PCDHGB4: variants seen among roughly 807,000 people sequenced by gnomAD.
PCDHGB4 encodes protocadherin gamma-B4.
Under a neutral mutation model 60.5 loss-of-function variants are expected in PCDHGB4, and 38 were observed. The observed-to-expected ratio is 0.63, with a 90% confidence interval of 0.48 to 0.82. PCDHGB4 has a LOEUF of 0.82. PCDHGB4 is among the 40% of genes least tolerant of loss of function. The pLI, the probability that PCDHGB4 is intolerant of heterozygous loss-of-function variation, is 0.00. For missense variants in PCDHGB4, 1,109 were observed against 1,209.6 expected (o/e 0.92, Z 1.23); for synonymous variants, 456 against 509.7 (o/e 0.89, Z 1.42).
At chr5:141,503,981 C>T (rs774655880) in intron 2 of PCDHGB4, among the ~76,000 whole-genome samples, 4 of 152,300 alleles carry the variant, frequency 2.6e-5, no homozygotes, top group East Asian at 1.9e-4. Flanking sequence ...CCAAACCCTT[C>T]TTCTTACCTT....
rs766050828 is a variant in PCDHGB4, at chr5:141,394,215, G to A, written c.2397+3934G>A. The A allele has an allele frequency of 1.9e-6, 3 of 1,613,902 alleles. No individual in the cohort carries two copies. The South Asian group carries it at 3.3e-5, about 18-fold the overall frequency. ...GTATATCCTAGAGAACAACCTGAGA[G>A]GAGCCTCCATCTTTTCCTTGACTGC... is the stretch of plus-strand genomic sequence containing the variant. On this transcript the variant is annotated intron_variant, in intron 1 of 3. Transcript: ENST00000519479.
At chr5:141,433,818 C>A (rs1286718725) in intron 1 of PCDHGB4, among the ~76,000 whole-genome samples, 7 of 133,614 alleles carry the variant, frequency 5.2e-5, no homozygotes, top group African/African-American at 5.8e-5. Flanking sequence ...GCCTGGGCAA[C>A]AAGAGTGAAA....
Position 141,485,598 on chromosome 5 carries a change from T to C in PCDHGB4, c.2398-9209T>C, listed in dbSNP as rs931717579. 25 of 1,612,028 alleles carry C rather than the reference T, an allele frequency of 1.6e-5. No individual in the cohort carries two copies. Among genetic ancestry groups the C allele is most frequent in the African/African-American group, 2.7e-5 (2 of 74,838 alleles). ...CCGCGGCAGCAGCTGGACTTGGAAA[T>C]TGGGGAGGCAGCTCCTCCAGGACAG... On this transcript the variant is annotated intron_variant, in intron 1 of 3. Transcript: ENST00000519479. This position sits in a 1 kb window ranked among gnomAD's most constrained non-coding sequence, Gnocchi z 5.7.
intron 1 of PCDHGB4, among the ~76,000 whole-genome samples, chr5:141,453,999 A>C (rs1561953352): frequency 6.6e-6 from 1 of 152,258 alleles, no homozygotes; most frequent in South Asian, 2.1e-4. Flanking sequence ...ATAAACCCAC[A>C]TAACATTTTA....
chr5:141,470,708 A>T (rs1293545270), intron 1 of PCDHGB4, among the ~76,000 whole-genome samples: 1 of 151,804 alleles, frequency 6.6e-6, no homozygotes. Flanking sequence ...TTTTTATTTT[A>T]TTTTTTTGAG....
chr5:141,404,164 G>A, intron 1 of PCDHGB4: 2 of 1,613,126 alleles, frequency 1.2e-6, no homozygotes, highest in South Asian at 2.2e-5. Context: ...ATTACAGATT[G>A]TTGACGGCCC....
intron 1 of PCDHGB4, chr5:141,405,545 A>G (rs952875482): frequency 1.6e-6 from 1 of 631,162 alleles, no homozygotes; most frequent in South Asian, 2.0e-5. Flanking sequence ...TCAGCCTCCC[A>G]AGTAGAGTAG....
At chr5:141,453,481 TA>T (rs1178324090) in intron 1 of PCDHGB4, among the ~76,000 whole-genome samples, 1 of 151,928 alleles carries the variant, frequency 6.6e-6, no homozygotes, top group Non-Finnish European at 1.5e-5. Context: ...TCAAAACTAT[TA>T]AAAAAAGGTG....
rs373008153 is a variant in PCDHGB4 at position 141,390,217 on chromosome 5, T to C, written c.2333T>C (p.Leu778Pro). ...SEQLSSGQDI[L>P]CGDSSGALFP... ...CAGTTGAGTTCAGGACAAGACATAC[T>C]TTGCGGTGATTCATCTGGGGCCTTA... The change falls in exon 1 of 4, where the codon CTT becomes CCT. Residue 778 changes from leucine (L) to proline (P), a missense_variant. Physicochemically the swap from Leu to Pro is moderately conservative, Grantham distance 98 (BLOSUM62 -3). Transcript: ENST00000519479. 1.3e-5 allele frequency: 21 copies of C among 1,613,944 alleles called. No individual in the cohort carries two copies. Among genetic ancestry groups the C allele is most frequent in the Non-Finnish European group, 1.8e-5 (21 of 1,179,912 alleles).
At chr5:141,393,821 G>T (rs2240700) in intron 1 of PCDHGB4, 228,339 of 1,613,716 alleles carry the variant, frequency 0.14, 18,414 homozygotes, top group African/African-American at 0.32. Context: ...TGCTCATTTC[G>T]GTGGAAGATG....
Position 141,403,122 on chromosome 5 carries a change from G to A in PCDHGB4, c.2397+12841G>A, listed in dbSNP as rs550510039. 4.3e-5 allele frequency: 69 copies of A among 1,613,932 alleles called. No individual in the cohort carries two copies. Among genetic ancestry groups the A allele is most frequent in the East Asian group, 8.9e-5 (4 of 44,898 alleles). ...TCCAAGGACCTGGCTCTGGAGCCCC[G>A]GGAGCTGGCGGAGCGCCGAGTCCGC... On this transcript the variant is annotated intron_variant, in intron 1 of 3. Transcript: ENST00000519479.
chr5:141,511,823 GC>G lies in PCDHGB4; in HGVS notation c.*653del, dbSNP rs2099883963. On this transcript the variant is annotated 3_prime_UTR_variant, in exon 4 of 4. Coordinates refer to ENST00000519479, the MANE Select transcript of PCDHGB4 (RefSeq NM_003736.4). The stretch of plus-strand genomic sequence containing the variant: ...TTTTGCTACCAAGCCTCTTCCCAAC[GC>G]CCTGGGGACCAGTCTTCTGTTTTGT... The G allele has an allele frequency of 6.4e-6, 1 of 156,728 alleles. No individual in the cohort carries two copies. The highest frequency in any genetic ancestry group is 1.9e-4 in the South Asian group (1 of 5,164). 9.7% of individuals were successfully genotyped at this position (156,728 alleles called of 1,614,324 possible).
At chr5:141,484,639 C>A (rs1366750263) in intron 1 of PCDHGB4, among the ~76,000 whole-genome samples, 1 of 151,938 alleles carries the variant, frequency 6.6e-6, no homozygotes, top group Non-Finnish European at 1.5e-5. Context: ...AGTGACCACT[C>A]TCCAATGGCT....
At chr5:141,502,274 A>G (rs573517581) in intron 2 of PCDHGB4, among the ~76,000 whole-genome samples, 18 of 152,128 alleles carry the variant, frequency 1.2e-4, no homozygotes, top group African/African-American at 4.1e-4. Context: ...ATCAAGGAGC[A>G]TAGATTGCAT....
At position 141,477,483 on chromosome 5, in the gene PCDHGB4, A is replaced by T; in HGVS notation, c.2398-17324A>T. ...TCCGACATCAATGACAACCCTCCAC[A>T]ATCTTCTCAATCTTCCTACGACGTT... On this transcript the variant is annotated intron_variant, in intron 1 of 3. Coordinates refer to ENST00000519479, the MANE Select transcript of PCDHGB4 (RefSeq NM_003736.4). The surrounding 1 kb of genome is among the most constrained non-coding windows in gnomAD (Gnocchi z 4.9). 1 of 1,614,028 alleles carries T rather than the reference A, an allele frequency of 6.2e-7. No homozygotes were observed.
intron 1 of PCDHGB4, among the ~76,000 whole-genome samples, chr5:141,467,950 C>T (rs780236016): frequency 2.6e-5 from 4 of 152,290 alleles, no homozygotes; most frequent in Admixed American, 6.5e-5. Context: ...TGAGCCACCA[C>T]ACCCGGCTGC....
At chr5:141,467,460 T>G (rs1354012953) in intron 1 of PCDHGB4, among the ~76,000 whole-genome samples, 1 of 152,246 alleles carries the variant, frequency 6.6e-6, no homozygotes. Context: ...CCAGTGCTAG[T>G]ACTTGCATGG....
In PCDHGB4 at chr5:141,476,908, A is replaced by G. The variant is rs754076231; in HGVS notation, c.2398-17899A>G. 6.2e-7 allele frequency: 1 copy of G among 1,614,050 alleles called. No individual in the cohort carries two copies. The highest frequency in any genetic ancestry group is 8.5e-7 in the Non-Finnish European group (1 of 1,180,038). On this transcript the variant is annotated intron_variant, in intron 1 of 3. Coordinates refer to ENST00000519479, the MANE Select transcript of PCDHGB4 (RefSeq NM_003736.4). This position sits in a 1 kb window ranked among gnomAD's most constrained non-coding sequence, Gnocchi z 7.6. ...ATGCACCCTCCGGCACGCGCGTGGT[A>G]CAAGTCCTTGCAACGGATCTGGATG...
intron 1 of PCDHGB4, among the ~76,000 whole-genome samples, chr5:141,406,762 A>C (rs942707558): frequency 2.0e-5 from 3 of 152,238 alleles, no homozygotes; most frequent in Non-Finnish European, 4.4e-5. Context: ...CAAGGAATTA[A>C]AAATATTTCT....
Sources: gnomAD v4.1 joint callset for allele counts (sites outside exome capture counted in the v4.1 genomes callset) on GRCh38, gnomAD v4.1.1 for gene constraint, Gnocchi (gnomAD v3.1) non-coding constraint, MANE v1.5 for transcripts, NCBI Gene and HGNC (gene_info 2026-07-23, HGNC 2026-07-21) for gene names.